MCPH1: variants seen among roughly 807,000 people sequenced by gnomAD.
MCPH1 encodes the protein microcephalin.
A neutral mutation model predicts 84.5 loss-of-function variants in MCPH1; 104 were observed. The observed-to-expected ratio is 1.23, with a 90% confidence interval of 1.05 to 1.45. The LOEUF is 1.45. Ranked by LOEUF, MCPH1 falls within the 40% of genes most tolerant of loss-of-function variation. The probability of loss-of-function intolerance (pLI) is 0.00; values close to 1 mark genes in which losing one functional copy is unlikely to be tolerated. For synonymous variants in MCPH1, 514 were observed against 366.8 expected (o/e 1.40, Z -4.58); for missense variants, 1,498 against 1,005.7 (o/e 1.49, Z -6.62).
At chr8:6,517,738 A>G (rs2058819827) in intron 12 of MCPH1, among the ~76,000 whole-genome samples, 1 of 152,180 alleles carries the variant, frequency 6.6e-6, no homozygotes, top group South Asian at 2.1e-4. Flanking sequence ...CAGATGGGGA[A>G]ACTGAGCTCT....
chr8:6,484,728 CT>C (rs1809650547), intron 11 of MCPH1, among the ~76,000 whole-genome samples: 1 of 152,238 alleles, frequency 6.6e-6, no homozygotes, highest in Non-Finnish European at 1.5e-5. Flanking sequence ...TTGCATGACT[CT>C]CAGGGGCATC....
At chr8:6,407,678 A>T (rs1322693780) in intron 1 of MCPH1, among the ~76,000 whole-genome samples, 3 of 152,158 alleles carry the variant, frequency 2.0e-5, no homozygotes, top group Non-Finnish European at 4.4e-5. Flanking sequence ...TATTTTGTTA[A>T]ATTAACCTGG....
chr8:6,476,629 C>G (rs533641428), intron 9 of MCPH1, among the ~76,000 whole-genome samples: 2 of 152,254 alleles, frequency 1.3e-5, no homozygotes, highest in Non-Finnish European at 1.5e-5. Flanking sequence ...GACAAGATCT[C>G]TATAAACCAG....
chr8:6,504,296 C>A (rs546950579), intron 12 of MCPH1, among the ~76,000 whole-genome samples: 60 of 120,560 alleles, frequency 5.0e-4, no homozygotes, highest in Non-Finnish European at 8.1e-4. Flanking sequence ...CCAGCCTGGG[C>A]GACAGAGTGA....
chr8:6,463,205 C>A (rs1247016756), intron 9 of MCPH1, among the ~76,000 whole-genome samples: 1 of 152,162 alleles, frequency 6.6e-6, no homozygotes, highest in East Asian at 1.9e-4. Context: ...TGAAATTGTG[C>A]TCTGTCATCT....
chr8:6,641,854 T>C (rs536312283), intron 13 of MCPH1, among the ~76,000 whole-genome samples: 3 of 152,356 alleles, frequency 2.0e-5, no homozygotes, highest in East Asian at 1.9e-4. Context: ...ACAATGTTTT[T>C]AACTATATCA....
At chr8:6,455,690 G>C (rs1805598231) in intron 9 of MCPH1, among the ~76,000 whole-genome samples, 1 of 152,144 alleles carries the variant, frequency 6.6e-6, no homozygotes, top group African/African-American at 2.4e-5. Context: ...CCTTCCCTTT[G>C]TGGTTTTGGC....
chr8:6,497,434 C>G (rs1277227459), intron 11 of MCPH1, among the ~76,000 whole-genome samples: 1 of 152,040 alleles, frequency 6.6e-6, no homozygotes, highest in Non-Finnish European at 1.5e-5. Context: ...ACCTGGGAGA[C>G]GATGCTGCAG....
intron 12 of MCPH1, among the ~76,000 whole-genome samples, chr8:6,593,064 A>G (rs1586737204): frequency 7.5e-6 from 1 of 133,856 alleles, no homozygotes; most frequent in African/African-American, 2.8e-5. Flanking sequence ...TTTGGACACT[A>G]TGTTTTTTAG....
chr8:6,520,000 A>T (rs1817009228), intron 12 of MCPH1: 1 of 1,612,698 alleles, frequency 6.2e-7, no homozygotes, highest in Admixed American at 1.7e-5. Context: ...AGCTGCTTTT[A>T]AAAAATAGTA....
At chr8:6,477,394 C>A in intron 9 of MCPH1, 200 bp from the exon 10 acceptor site, 1 of 578,736 alleles carries the variant, frequency 1.7e-6, no homozygotes, top group East Asian at 2.9e-5. Flanking sequence ...TTTTGGATTG[C>A]TTTGGGGACA....
At chr8:6,603,356 C>T (rs11785507) in intron 12 of MCPH1, among the ~76,000 whole-genome samples, 67,604 of 151,888 alleles carry the variant, frequency 0.45, 16,651 homozygotes, top group Middle Eastern at 0.63. Context: ...TTCGGGATGA[C>T]GGAAGTACTC....
intron 12 of MCPH1, among the ~76,000 whole-genome samples, chr8:6,535,280 G>C (rs1820277111): frequency 6.6e-6 from 1 of 152,160 alleles, no homozygotes; most frequent in Non-Finnish European, 1.5e-5. Flanking sequence ...ACTCTCCAGA[G>C]ATATGAGAGG....
intron 9 of MCPH1, among the ~76,000 whole-genome samples, chr8:6,471,033 T>G (rs994709328): frequency 6.6e-6 from 1 of 152,314 alleles, no homozygotes; most frequent in Middle Eastern, 3.4e-3. Flanking sequence ...CGAAGGTCCT[T>G]TTTTTTCAGA....
At chr8:6,473,364 T>C (rs1360531510) in intron 9 of MCPH1, among the ~76,000 whole-genome samples, 1 of 130,874 alleles carries the variant, frequency 7.6e-6, no homozygotes, top group Non-Finnish European at 1.6e-5. Context: ...GGAGTCGGGC[T>C]CTGTTGCCCA....
rs573318450 is a variant in MCPH1 at position 6,502,978 on chromosome 8, G to A, written c.2214+3049G>A. 246 of 1,178,728 alleles carry A rather than the reference G, an allele frequency of 2.1e-4. No individual in the cohort carries two copies. In the African/African-American group the frequency reaches 3.4e-3, roughly 16 times the overall value. 73.0% of individuals were successfully genotyped at this position (1,178,728 alleles called of 1,614,324 possible). On this transcript the variant is annotated intron_variant, in intron 12 of 13. Transcript: ENST00000344683. ...CTCTAATCTGGAGCATGTGGGTCCC[G>A]TCAGCACCGAGCACACGCCCTCTGT...
chr8:6,438,813 G>A, intron 5 of MCPH1, 140 bp from the exon 6 acceptor site: 2 of 719,694 alleles, frequency 2.8e-6, no homozygotes, highest in Admixed American at 2.2e-5. Context: ...GGTGGAGGTA[G>A]AATATTAGCA....
chr8:6,549,145 C>T (rs914289953), intron 12 of MCPH1, among the ~76,000 whole-genome samples: 1 of 152,116 alleles, frequency 6.6e-6, no homozygotes, highest in Non-Finnish European at 1.5e-5. Flanking sequence ...GATAGCAGTA[C>T]AAGAAAAATG....
Position 6,647,956 on chromosome 8 carries a change from A to C in MCPH1, c.*4907A>C, listed in dbSNP as rs1360539803. Reference sequence around the variant, plus strand: ...AAAAGAGAGAGAGAGAACGAGAGCTACATGGCAGCCCCAGGGCAATAGCTC... The same window carrying C: ...AAAAGAGAGAGAGAGAACGAGAGCTCCATGGCAGCCCCAGGGCAATAGCTC... On this transcript the variant is annotated 3_prime_UTR_variant, in exon 14 of 14. Coordinates refer to ENST00000344683, the MANE Select transcript of MCPH1 (RefSeq NM_024596.5). 1 of 152,226 alleles carries C rather than the reference A, an allele frequency of 6.6e-6. No homozygotes were observed. The highest frequency in any genetic ancestry group is 1.5e-5 in the Non-Finnish European group (1 of 68,038). 9.4% of individuals were successfully genotyped at this position (152,226 alleles called of 1,614,324 possible).
Sources: gnomAD v4.1 joint callset for allele counts (sites outside exome capture counted in the v4.1 genomes callset) on GRCh38, gnomAD v4.1.1 for gene constraint, MANE v1.5 for transcripts, NCBI Gene and HGNC (gene_info 2026-07-23, HGNC 2026-07-21) for gene names.